The following GABRG3 variants were observed in gnomAD, a reference collection of about 807,000 sequenced individuals.
GABRG3 encodes gamma-aminobutyric acid type A receptor subunit gamma3, also known as gamma-aminobutyric acid receptor subunit gamma-3.
Under a neutral mutation model 48.8 loss-of-function variants are expected in GABRG3, and 25 were observed. The observed-to-expected ratio is 0.51, with a 90% CI of 0.37 to 0.72. GABRG3 has a LOEUF of 0.72. GABRG3 is among the 30% of genes least tolerant of loss of function. The pLI is 0.00. For missense variants in GABRG3, 394 were observed against 577.9 expected (o/e 0.68, Z 3.26); for synonymous variants, 227 against 217.6 (o/e 1.04, Z -0.38).
intron 5 of GABRG3, among the ~76,000 whole-genome samples, chr15:27,350,963 G>T (rs1451672430): frequency 2.0e-5 from 3 of 151,206 alleles, no homozygotes; most frequent in Non-Finnish European, 3.0e-5. Context: ...TGTGCATATG[G>T]TGTGTGTTTG....
intron 2 of GABRG3, among the ~76,000 whole-genome samples, chr15:26,999,468 T>C (rs1895404920): frequency 6.6e-6 from 1 of 152,154 alleles, no homozygotes; most frequent in Non-Finnish European, 1.5e-5. Context: ...TCTGCGGTCA[T>C]AGTTTCCTTT....
chr15:27,471,198 G>T (rs1881057963), intron 5 of GABRG3, among the ~76,000 whole-genome samples: 1 of 152,150 alleles, frequency 6.6e-6, no homozygotes, highest in Non-Finnish European at 1.5e-5. Context: ...GAAATCATAG[G>T]GTTGTGGAAA....
intron 6 of GABRG3, among the ~76,000 whole-genome samples, chr15:27,517,825 C>G (rs1891059326): frequency 6.6e-6 from 1 of 152,096 alleles, no homozygotes; most frequent in Non-Finnish European, 1.5e-5. Context: ...AAAATATATA[C>G]TTGTGCTCTT....
rs139275010 is a variant in GABRG3, at chr15:27,450,341, AG to A, written c.575-30308del. Among the ~76,000 whole-genome samples the A allele has an allele frequency of 5.6e-3, 847 of 152,352 alleles. 5 individuals carry two copies. The highest frequency in any genetic ancestry group is 7.5e-3 in the Non-Finnish European group (507 of 68,038). ...AAAAGACTAGCCAAATGAATTTCAC[AG>A]CACCTTAAAGAGATCGTACACCATG... On this transcript the variant is annotated intron_variant, in intron 5 of 9. Transcript: ENST00000615808.
chr15:27,244,246 A>G (rs1890210577), intron 3 of GABRG3, among the ~76,000 whole-genome samples: 1 of 152,184 alleles, frequency 6.6e-6, no homozygotes, highest in Non-Finnish European at 1.5e-5. Flanking sequence ...ATGGAATGAA[A>G]TATGTTAACA....
chr15:27,134,922 A>G (rs1250847324), intron 3 of GABRG3, among the ~76,000 whole-genome samples: 2 of 152,202 alleles, frequency 1.3e-5, no homozygotes, highest in African/African-American at 4.8e-5. Flanking sequence ...CTGGTCCTCC[A>G]TTGACTAAAA....
intron 3 of GABRG3, among the ~76,000 whole-genome samples, chr15:27,104,413 T>C (rs1258854361): frequency 6.6e-6 from 1 of 152,202 alleles, no homozygotes; most frequent in African/African-American, 2.4e-5. Flanking sequence ...CTATCCAGTC[T>C]TAGTAGGATG....
chr15:27,406,334 G>A (rs1002767498), intron 5 of GABRG3, among the ~76,000 whole-genome samples: 2 of 152,064 alleles, frequency 1.3e-5, no homozygotes, highest in East Asian at 3.9e-4. Context: ...AGTGTGGGCT[G>A]GACTTAATGA....
chr15:27,144,630 A>G (rs1898165482), intron 3 of GABRG3, among the ~76,000 whole-genome samples: 1 of 152,180 alleles, frequency 6.6e-6, no homozygotes, highest in African/African-American at 2.4e-5. Context: ...AAGATGGAAC[A>G]TATTCCTGGA....
At chr15:27,370,174 C>T (rs562555144) in intron 5 of GABRG3, among the ~76,000 whole-genome samples, 2 of 152,332 alleles carry the variant, frequency 1.3e-5, no homozygotes, top group East Asian at 3.9e-4. Context: ...CATCTCAGGT[C>T]CTCTGTTTCC....
At chr15:27,222,385 T>C (rs1459412018) in intron 3 of GABRG3, among the ~76,000 whole-genome samples, 1 of 152,236 alleles carries the variant, frequency 6.6e-6, no homozygotes, top group Non-Finnish European at 1.5e-5. Flanking sequence ...TAATACCAAA[T>C]AAGTATTACC....
chr15:26,975,485 A>G lies in GABRG3; in HGVS notation c.54-1517A>G, dbSNP rs1012080931. ...GACATATGCCGTATACTCATTGTCA[A>G]CATCTCTCATTTATGTACATGTTCA... On this transcript the variant is annotated intron_variant, in intron 1 of 9. Coordinates refer to ENST00000615808, the MANE Select transcript of GABRG3 (RefSeq NM_033223.5). The surrounding 1 kb of genome is among the most constrained non-coding windows in gnomAD (Gnocchi z 4.6). 2.6e-5 allele frequency among the ~76,000 whole-genome samples: 4 copies of G among 152,162 alleles called. No homozygotes were observed. The highest frequency in any genetic ancestry group is 5.9e-5 in the Non-Finnish European group (4 of 68,032).
chr15:27,096,389 C>G (rs559286639), intron 3 of GABRG3, among the ~76,000 whole-genome samples: 13 of 152,162 alleles, frequency 8.5e-5, no homozygotes, highest in Non-Finnish European at 1.8e-4. Context: ...TTTTGCAGAT[C>G]AGAAAAAATT....
chr15:27,307,022 A>G (rs1892568866), intron 3 of GABRG3, among the ~76,000 whole-genome samples: 4 of 121,634 alleles, frequency 3.3e-5, no homozygotes, highest in Non-Finnish European at 6.4e-5. Flanking sequence ...ACATGTTTAT[A>G]TATAAACATG....
intron 3 of GABRG3, among the ~76,000 whole-genome samples, chr15:27,165,676 A>AT (rs1385849756): frequency 1.3e-5 from 2 of 151,804 alleles, no homozygotes; most frequent in Non-Finnish European, 2.9e-5. Flanking sequence ...TCACACAATA[A>AT]TTTAAGTCTG....
At chr15:27,123,430 A>G (rs1485377485) in intron 3 of GABRG3, among the ~76,000 whole-genome samples, 1 of 152,042 alleles carries the variant, frequency 6.6e-6, no homozygotes, top group Non-Finnish European at 1.5e-5. Flanking sequence ...GAACTCACTC[A>G]CTCCTTCCAG....
chr15:27,212,291 T>C (rs1467683115), intron 3 of GABRG3, among the ~76,000 whole-genome samples: 2 of 152,178 alleles, frequency 1.3e-5, no homozygotes, highest in African/African-American at 4.8e-5. Flanking sequence ...TCCGGGTGTT[T>C]CAGCTCAATT....
chr15:27,142,903 A>T (rs1898131455), intron 3 of GABRG3, among the ~76,000 whole-genome samples: 1 of 151,466 alleles, frequency 6.6e-6, no homozygotes, highest in Non-Finnish European at 1.5e-5. Flanking sequence ...TACAGGCGTG[A>T]GCTACCACAT....
At chr15:27,504,222 TCTC>T (rs1402059649) in intron 6 of GABRG3, among the ~76,000 whole-genome samples, 12 of 152,086 alleles carry the variant, frequency 7.9e-5, no homozygotes, top group African/African-American at 2.7e-4. Flanking sequence ...TTGTTCTATT[TCTC>T]CTCTTTTTCT....
Sources: gnomAD v4.1 joint callset for allele counts (sites outside exome capture counted in the v4.1 genomes callset) on GRCh38, gnomAD v4.1.1 for gene constraint, Gnocchi (gnomAD v3.1) non-coding constraint, MANE v1.5 for transcripts, NCBI Gene and HGNC (gene_info 2026-07-23, HGNC 2026-07-21) for gene names.